The following SPATA17 variants were observed in gnomAD, a reference collection of about 807,000 sequenced individuals.
The protein encoded by SPATA17 is spermatogenesis associated 17, also known as spermatogenesis-associated protein 17.
In SPATA17, 53 loss-of-function variants were observed where a neutral mutation model predicts 62.2. The ratio of observed to expected loss-of-function variants is 0.85; its 90% CI spans 0.68 to 1.07. The LOEUF (loss-of-function observed/expected upper bound fraction) is 1.07. SPATA17 is among the 50% of genes least tolerant of loss of function. The pLI is 0.00. For synonymous variants in SPATA17, 146 were observed against 146.8 expected, an observed-to-expected ratio of 0.99 and a Z score of 0.04; for missense variants, 466 against 425.5, an observed-to-expected ratio of 1.10 and a Z score of -0.84.
chr1:217,745,220 T>A (rs546556852), intron 6 of SPATA17, among the ~76,000 whole-genome samples: 1 of 152,310 alleles, frequency 6.6e-6, no homozygotes, highest in South Asian at 2.1e-4. Context: ...GGATTTTAAT[T>A]TGGACCTGGC....
At chr1:217,678,090 T>C (rs1351184855) in intron 4 of SPATA17, among the ~76,000 whole-genome samples, 1 of 152,088 alleles carries the variant, frequency 6.6e-6, no homozygotes, top group African/African-American at 2.4e-5. Flanking sequence ...AATAAAAGTA[T>C]AATTATGAAT....
intron 4 of SPATA17, among the ~76,000 whole-genome samples, chr1:217,681,097 T>G (rs1026161892): frequency 4.0e-5 from 6 of 151,154 alleles, no homozygotes; most frequent in African/African-American, 1.5e-4. Flanking sequence ...TGTGGTGGCA[T>G]GTGTCTGTTA....
chr1:217,662,742 G>C (rs79782268), intron 3 of SPATA17, among the ~76,000 whole-genome samples: 1,772 of 152,202 alleles, frequency 0.012, 35 homozygotes, highest in African/African-American at 0.041. Context: ...TTTTAAAAGT[G>C]ATAAGAGATT....
rs1203063860 is a variant in SPATA17 at position 217,703,174 on chromosome 1, C to CTTTTTT, written c.395+19822_395+19827dup. On this transcript the variant is annotated intron_variant, in intron 5 of 10. Transcript: ENST00000366933. ...ACAGGCGTGAGCCATTGCGCTCGGC[C>CTTTTTT]TTTTTTTTTTTTTTGAAATGGAGTC... Among the ~76,000 whole-genome samples, 3 of 105,510 alleles carry CTTTTTT rather than the reference C, an allele frequency of 2.8e-5. 1 individual carries two copies. Among genetic ancestry groups the CTTTTTT allele is most frequent in the African/African-American group, 3.9e-5 (1 of 25,636 alleles). The allele number at this position is 105,510 out of a possible 152,430, so 69.2% of individuals were successfully genotyped here. A position where few individuals can be genotyped will look rare whatever the true frequency, so the allele number is the denominator to read the frequency against.
At chr1:217,654,110 A>C (rs1316167981) in intron 3 of SPATA17, among the ~76,000 whole-genome samples, 1 of 149,934 alleles carries the variant, frequency 6.7e-6, no homozygotes, top group East Asian at 1.9e-4. Flanking sequence ...ATTTTGACAT[A>C]TGATTTTTAT....
intron 8 of SPATA17, among the ~76,000 whole-genome samples, chr1:217,793,033 A>C (rs1674037314): frequency 6.6e-6 from 1 of 152,228 alleles, no homozygotes; most frequent in Non-Finnish European, 1.5e-5. Context: ...AAATATCCAT[A>C]GTGAACATTT....
At chr1:217,827,338 T>C (rs1571830667) in intron 9 of SPATA17, among the ~76,000 whole-genome samples, 2 of 152,266 alleles carry the variant, frequency 1.3e-5, no homozygotes. Context: ...AAAATGTCCA[T>C]ACTACCCAAA....
At chr1:217,729,160 C>T (rs1162194602) in intron 5 of SPATA17, among the ~76,000 whole-genome samples, 4 of 152,206 alleles carry the variant, frequency 2.6e-5, no homozygotes, top group African/African-American at 9.7e-5. Context: ...TCTCTATCTG[C>T]AGTAAACAGC....
At chr1:217,780,399 G>T (rs989804587) in intron 7 of SPATA17, among the ~76,000 whole-genome samples, 2 of 152,140 alleles carry the variant, frequency 1.3e-5, no homozygotes, top group Non-Finnish European at 2.9e-5. Context: ...AAAAGTCAGG[G>T]ATCATGAAGG....
At chr1:217,739,269 A>G (rs2102946374) in intron 5 of SPATA17, among the ~76,000 whole-genome samples, 1 of 152,208 alleles carries the variant, frequency 6.6e-6, no homozygotes, top group East Asian at 1.9e-4. Flanking sequence ...GGCTAATTTA[A>G]TAAAAATATA....
At chr1:217,663,885 C>T (rs1247238770) in intron 3 of SPATA17, among the ~76,000 whole-genome samples, 1 of 152,060 alleles carries the variant, frequency 6.6e-6, no homozygotes, top group Non-Finnish European at 1.5e-5. Flanking sequence ...GATTAAATAA[C>T]TTATGGTATG....
At chr1:217,754,262 A>G (rs1390242429) in intron 6 of SPATA17, among the ~76,000 whole-genome samples, 3 of 152,138 alleles carry the variant, frequency 2.0e-5, no homozygotes, top group Non-Finnish European at 2.9e-5. Context: ...AACCAAAAAA[A>G]TCCTACAGTT....
chr1:217,712,572 C>T (rs1402692232), intron 5 of SPATA17, among the ~76,000 whole-genome samples: 1 of 152,100 alleles, frequency 6.6e-6, no homozygotes, highest in Non-Finnish European at 1.5e-5. Flanking sequence ...TCCTCCAGCC[C>T]CAGGCCTTTT....
At chr1:217,789,403 C>A (rs1673946584) in intron 8 of SPATA17, among the ~76,000 whole-genome samples, 1 of 152,044 alleles carries the variant, frequency 6.6e-6, no homozygotes, top group Non-Finnish European at 1.5e-5. Context: ...ATTATAAAAC[C>A]GAAATGGGGT....
chr1:217,804,191 A>G (rs1435820725), intron 9 of SPATA17, among the ~76,000 whole-genome samples: 3 of 152,210 alleles, frequency 2.0e-5, no homozygotes, highest in African/African-American at 4.8e-5. Context: ...ACATGGTCCT[A>G]GCATAAAAAA....
chr1:217,774,786 C>G (rs1308772877), intron 7 of SPATA17, among the ~76,000 whole-genome samples: 1 of 152,088 alleles, frequency 6.6e-6, no homozygotes, highest in Admixed American at 6.6e-5. Flanking sequence ...TCACTTAGCA[C>G]GATGTTCTTA....
chr1:217,801,179 A>G (rs1188047355), intron 8 of SPATA17, among the ~76,000 whole-genome samples: 2 of 152,158 alleles, frequency 1.3e-5, no homozygotes, highest in African/African-American at 4.8e-5. Flanking sequence ...CATTCAGGTA[A>G]CTTGCATAGG....
chr1:217,771,976 G>A (rs1409273965), intron 6 of SPATA17, among the ~76,000 whole-genome samples: 1 of 152,064 alleles, frequency 6.6e-6, no homozygotes, highest in Admixed American at 6.6e-5. Flanking sequence ...TAATCTGTAA[G>A]GTTGTAGCAA....
intron 3 of SPATA17, among the ~76,000 whole-genome samples, chr1:217,661,529 A>G (rs1670569497): frequency 6.6e-6 from 1 of 152,150 alleles, no homozygotes; most frequent in South Asian, 2.1e-4. Context: ...TTAACCCACA[A>G]TAATAGAGCT....
Sources: gnomAD v4.1 joint callset for allele counts (sites outside exome capture counted in the v4.1 genomes callset) on GRCh38, gnomAD v4.1.1 for gene constraint, MANE v1.5 for transcripts, NCBI Gene and HGNC (gene_info 2026-07-23, HGNC 2026-07-21) for gene names.